Variants in RMI2 observed in about 807,000 individuals in gnomAD.
RMI2 encodes the protein RecQ mediated genome instability 2, also known as recQ-mediated genome instability protein 2.
RMI2 carries 11 observed loss-of-function variants against 8.4 expected under a neutral mutation model. The observed-to-expected ratio is 1.32, with a 90% CI of 0.83 to 2.18. The LOEUF (loss-of-function observed/expected upper bound fraction) is 2.18, where lower values mean the gene tolerates loss of function less well. RMI2 is among the 30% of genes most tolerant of loss of function. The pLI, the probability that RMI2 is intolerant of heterozygous loss-of-function variation, is 0.00. For missense variants in RMI2, 253 were observed against 207.5 expected (o/e 1.22, Z -1.35); for synonymous variants, 105 against 93.8 (o/e 1.12, Z -0.69).
Position 11,350,929 on chromosome 16 carries a change from A to T in RMI2, c.*139A>T. 1.6e-6 allele frequency: 1 copy of T among 638,408 alleles called. No homozygotes were observed. Among genetic ancestry groups the T allele is most frequent in the South Asian group, 2.3e-5 (1 of 44,216 alleles). The allele number at this position is 638,408 out of a possible 1,614,324, so 39.5% of individuals were successfully genotyped here. ...AGAGCCTTGCTTTGGTTGACCAAGG[A>T]GTCCGGATGTAGGAATGTTTAAATC... On this transcript the variant is annotated 3_prime_UTR_variant, in exon 2 of 2. Coordinates refer to ENST00000312499, the MANE Select transcript of RMI2 (RefSeq NM_152308.3).
chr16:11,345,479 C>T lies in RMI2; in HGVS notation c.8C>T (p.Ala3Val), dbSNP rs2070846419. The T allele has an allele frequency of 2.3e-6, 3 of 1,309,760 alleles. No individual in the cohort carries two copies. Among genetic ancestry groups the T allele is most frequent in the South Asian group, 4.5e-5 (2 of 44,894 alleles). The allele number at this position is 1,309,760 out of a possible 1,614,324, so 81.1% of individuals were successfully genotyped here. MA[A>V]AADSFSGGPA... ...AGGGTGCGGCGAGGCGGAATGGCGGCGGCTGCGGACTCGTTCTCAGGCGGC... is the reference window on the plus strand; with the variant it reads ...AGGGTGCGGCGAGGCGGAATGGCGGTGGCTGCGGACTCGTTCTCAGGCGGC... Residue 3 changes from alanine (A) to valine (V), a missense_variant, in exon 1 of 2, where the codon GCG (alanine) becomes GTG (valine). Transcript: ENST00000312499.
Position 11,349,066 on chromosome 16 carries a change from T to G in RMI2, c.296-1576T>G, listed in dbSNP as rs2070924058. On this transcript the variant is annotated intron_variant, in intron 1 of 1. Coordinates refer to ENST00000312499, the MANE Select transcript of RMI2 (RefSeq NM_152308.3). This position sits in a 1 kb window ranked among gnomAD's most constrained non-coding sequence, Gnocchi z 4.2. ...TCCTCTGGAACATCCAGGAGTTTGTTTCCATAAACCTAAGGTGCTGAAGAG... is the reference window on the plus strand; with the variant it reads ...TCCTCTGGAACATCCAGGAGTTTGTGTCCATAAACCTAAGGTGCTGAAGAG... The G allele has an allele frequency of 6.6e-6, 1 of 152,286 alleles. No homozygotes were observed. The highest frequency in any genetic ancestry group is 2.1e-4 in the South Asian group (1 of 4,828). 9.4% of individuals were successfully genotyped at this position (152,286 alleles called of 1,614,324 possible).
At position 11,350,864 on chromosome 16, in the gene RMI2, A is replaced by T; in HGVS notation, c.*74A>T. The T allele has an allele frequency of 1.5e-6, 2 of 1,311,762 alleles. No individual in the cohort carries two copies. Among genetic ancestry groups the T allele is most frequent in the Non-Finnish European group, 2.1e-6 (2 of 955,312 alleles). The allele number at this position is 1,311,762 out of a possible 1,614,324, so 81.3% of individuals were successfully genotyped here. ...AGAAGCTTATAATGATGTGGATTTC[A>T]TGGACACTTTTCAATGCGTATTTTT... On this transcript the variant is annotated 3_prime_UTR_variant, in exon 2 of 2. Coordinates refer to ENST00000312499, the MANE Select transcript of RMI2 (RefSeq NM_152308.3).
In RMI2 at chr16:11,345,639, G is replaced by T. The variant is rs11545336; in HGVS notation, c.168G>T (p.Ala56=). 6.4e-6 allele frequency: 8 copies of T among 1,258,752 alleles called. No homozygotes were observed. Among genetic ancestry groups the T allele is most frequent in the South Asian group, 3.7e-5 (1 of 27,034 alleles). 78.0% of individuals were successfully genotyped at this position (1,258,752 alleles called of 1,614,324 possible). A position where few individuals can be genotyped will look rare whatever the true frequency, so the allele number is the denominator to read the frequency against. ...CGGGCCGCGGGCCGCTGGACCTGGC[G>T]GCCGTGTGGATGCAGGGCAGGGTAG... The part of the protein sequence containing the change: ...AAAGRGPLDL[A]AVWMQGRVVM... Residue 56 remains alanine, a synonymous_variant, in exon 1 of 2, where the codon GCG becomes GCT. Transcript: ENST00000312499.
Position 11,345,750 on chromosome 16 carries a change from GC to G in RMI2, c.282del (p.Cys95ValfsTer2). The G allele has an allele frequency of 8.1e-7, 1 of 1,240,206 alleles. No homozygotes were observed. The highest frequency in any genetic ancestry group is 1.0e-6 in the Non-Finnish European group (1 of 992,502). 76.8% of individuals were successfully genotyped at this position (1,240,206 alleles called of 1,614,324 possible). A position where few individuals can be genotyped will look rare whatever the true frequency, so the allele number is the denominator to read the frequency against. On this transcript the variant is annotated frameshift_variant, in exon 1 of 2. Transcript: ENST00000312499. LOFTEE classifies it high-confidence loss of function. ...GCCTGGAGCGGGTGCCGCGCGGGCG[GC>G]CCTGTCTAGTCCCAGGTAATGCCCG... ...RGLERVPRGR[P>X]CLVPGKYVMV...
rs1193989438 is a variant in RMI2 at position 11,351,453 on chromosome 16, G to A, written c.*663G>A. 5 of 231,770 alleles carry A rather than the reference G, an allele frequency of 2.2e-5. No individual in the cohort carries two copies. The highest frequency in any genetic ancestry group is 6.1e-5 in the East Asian group (1 of 16,370). 14.4% of individuals were successfully genotyped at this position (231,770 alleles called of 1,614,324 possible). On this transcript the variant is annotated 3_prime_UTR_variant, in exon 2 of 2. Coordinates refer to ENST00000312499, the MANE Select transcript of RMI2 (RefSeq NM_152308.3). ...TTCCATTACTCAGAGATGTTGAGACGTTTTCAGAATTTCTTGTTGAAATGA... is the reference window on the plus strand; with the variant it reads ...TTCCATTACTCAGAGATGTTGAGACATTTTCAGAATTTCTTGTTGAAATGA...
chr16:11,348,190 C>T (rs1016642026), intron 1 of RMI2: 2 of 152,258 alleles, frequency 1.3e-5, no homozygotes, highest in Non-Finnish European at 2.9e-5. Context: ...TACAGAATGT[C>T]TCGGGCCGCT....
In RMI2 at chr16:11,345,545, T is replaced by A. The variant is rs2141209474; in HGVS notation, c.74T>A (p.Val25Glu). Residue 25 changes from valine (V) to glutamate (E), a missense_variant, in exon 1 of 2, where the codon GTG becomes GAG. Val to Glu is a moderately radical substitution (Grantham distance 121, BLOSUM62 -2). Coordinates refer to ENST00000312499, the MANE Select transcript of RMI2 (RefSeq NM_152308.3). ...VRLPRSPPLK[V>E]LAEQLRRDAE... ...CTTCCGAGGTCGCCGCCACTCAAGG[T>A]GCTGGCGGAGCAGCTGCGGCGCGAC... 7.9e-7 allele frequency: 1 copy of A among 1,258,700 alleles called. No individual in the cohort carries two copies. The highest frequency in any genetic ancestry group is 3.2e-5 in the East Asian group (1 of 31,676). 78.0% of individuals were successfully genotyped at this position (1,258,700 alleles called of 1,614,324 possible).
chr16:11,347,589 T>G (rs1250745735), intron 1 of RMI2, among the ~76,000 whole-genome samples: 1 of 152,156 alleles, frequency 6.6e-6, no homozygotes, highest in Admixed American at 6.5e-5. Context: ...TGGCTCACAG[T>G]GAGGATGCAA....
intron 1 of RMI2, among the ~76,000 whole-genome samples, chr16:11,347,097 C>G (rs1477423026): frequency 6.6e-6 from 1 of 152,240 alleles, no homozygotes; most frequent in African/African-American, 2.4e-5. Flanking sequence ...ACATCAGCCC[C>G]TCATGTGCAG....
In RMI2 at chr16:11,345,701, C is replaced by G. The variant is rs774059565; in HGVS notation, c.230C>G (p.Pro77Arg). Residue 77 changes from proline to arginine, a missense_variant, in exon 1 of 2, where the codon CCG becomes CGG. Physicochemically the swap from Pro to Arg is moderately radical, Grantham distance 103. Coordinates refer to ENST00000312499, the MANE Select transcript of RMI2 (RefSeq NM_152308.3). The part of the protein sequence containing the change: ...ADRGEARLRD[P>R]SGDFSVRGLE... Reference sequence around the variant, plus strand: ...CGCGGCGAGGCTCGGCTGAGGGACCCGAGCGGGGACTTCTCGGTCCGCGGC... The same window carrying G: ...CGCGGCGAGGCTCGGCTGAGGGACCGGAGCGGGGACTTCTCGGTCCGCGGC... 7.9e-7 allele frequency: 1 copy of G among 1,262,896 alleles called. No homozygotes were observed. Among genetic ancestry groups the G allele is most frequent in the African/African-American group, 1.5e-5 (1 of 65,656 alleles). 78.2% of individuals were successfully genotyped at this position (1,262,896 alleles called of 1,614,324 possible). A position where few individuals can be genotyped will look rare whatever the true frequency, so the allele number is the denominator to read the frequency against.
intron 1 of RMI2, chr16:11,348,177 A>G (rs1480408912): frequency 6.6e-6 from 1 of 152,264 alleles, no homozygotes; most frequent in Non-Finnish European, 1.5e-5. Flanking sequence ...TACATTGGTA[A>G]TTTACAGAAT....
At chr16:11,347,625 A>G (rs2070895755) in intron 1 of RMI2, among the ~76,000 whole-genome samples, 1 of 152,062 alleles carries the variant, frequency 6.6e-6, no homozygotes, top group South Asian at 2.1e-4. Flanking sequence ...TTACTGCCAC[A>G]TGCTCCTGTT....
In RMI2 at chr16:11,345,705, C is replaced by T. The variant is rs752250530; in HGVS notation, c.234C>T (p.Ser78=). Residue 78 remains serine (S), a synonymous_variant, in exon 1 of 2, where the codon AGC becomes AGT. Coordinates refer to ENST00000312499, the MANE Select transcript of RMI2 (RefSeq NM_152308.3). ...DRGEARLRDP[S]GDFSVRGLER... Reference sequence around the variant, plus strand: ...GCGAGGCTCGGCTGAGGGACCCGAGCGGGGACTTCTCGGTCCGCGGCCTGG... The same window carrying T: ...GCGAGGCTCGGCTGAGGGACCCGAGTGGGGACTTCTCGGTCCGCGGCCTGG... The T allele has an allele frequency of 1.7e-5, 22 of 1,261,856 alleles. No individual in the cohort carries two copies. Among genetic ancestry groups the T allele is most frequent in the Middle Eastern group, 3.0e-4 (1 of 3,334 alleles). 78.2% of individuals were successfully genotyped at this position (1,261,856 alleles called of 1,614,324 possible). A position where few individuals can be genotyped will look rare whatever the true frequency, so the allele number is the denominator to read the frequency against.
chr16:11,346,253 C>CCCTTT, intron 1 of RMI2, among the ~76,000 whole-genome samples: 1 of 130,128 alleles, frequency 7.7e-6, no homozygotes, highest in South Asian at 2.3e-4. Flanking sequence ...TTTGCCTCCT[C>CCCTTT]TCTTTTTTTT....
At chr16:11,348,266 G>A (rs1321103059) in intron 1 of RMI2, 1 of 152,198 alleles carries the variant, frequency 6.6e-6, no homozygotes, top group Non-Finnish European at 1.5e-5. Context: ...CAAAATATTT[G>A]TCTCGCCCTT....
Position 11,350,991 on chromosome 16 carries a change from T to C in RMI2, c.*201T>C. The C allele has an allele frequency of 2.3e-6, 1 of 426,548 alleles. No homozygotes were observed. The highest frequency in any genetic ancestry group is 4.1e-6 in the Non-Finnish European group (1 of 241,242). 26.4% of individuals were successfully genotyped at this position (426,548 alleles called of 1,614,324 possible). Reference sequence around the variant, plus strand: ...CAGTGACACAGCCTCTGCTGCCCCTTGCTTTGCCTGTGTTTGCTGATGAAA... The same window carrying C: ...CAGTGACACAGCCTCTGCTGCCCCTCGCTTTGCCTGTGTTTGCTGATGAAA... On this transcript the variant is annotated 3_prime_UTR_variant, in exon 2 of 2. Coordinates refer to ENST00000312499, the MANE Select transcript of RMI2 (RefSeq NM_152308.3).
chr16:11,350,868 ACAC>A lies in RMI2; in HGVS notation c.*79_*81del. ...GCTTATAATGATGTGGATTTCATGG[ACAC>A]TTTTCAATGCGTATTTTTCAAATGC... On this transcript the variant is annotated 3_prime_UTR_variant, in exon 2 of 2. Transcript: ENST00000312499. 2 of 1,267,222 alleles carry A rather than the reference ACAC, an allele frequency of 1.6e-6. No homozygotes were observed. Among genetic ancestry groups the A allele is most frequent in the Non-Finnish European group, 2.2e-6 (2 of 917,610 alleles). 78.5% of individuals were successfully genotyped at this position (1,267,222 alleles called of 1,614,324 possible). A position where few individuals can be genotyped will look rare whatever the true frequency, so the allele number is the denominator to read the frequency against.
At chr16:11,350,191 C>T (rs562087975) in intron 1 of RMI2, among the ~76,000 whole-genome samples, 1 of 152,230 alleles carries the variant, frequency 6.6e-6, no homozygotes, top group East Asian at 1.9e-4. Context: ...CTGCCCCTAC[C>T]TCAGAGCCGC....
Sources: gnomAD v4.1 joint callset for allele counts (sites outside exome capture counted in the v4.1 genomes callset) on GRCh38, gnomAD v4.1.1 for gene constraint, Gnocchi (gnomAD v3.1) non-coding constraint, MANE v1.5 for transcripts, NCBI Gene and HGNC (gene_info 2026-07-23, HGNC 2026-07-21) for gene names.